The following ABCC4 variants were observed in gnomAD, a reference collection of about 807,000 sequenced individuals.
The protein encoded by ABCC4 is ATP binding cassette subfamily C member 4 (PEL blood group), also known as ATP-binding cassette sub-family C member 4.
ABCC4 carries 102 observed loss-of-function variants against 168.5 expected under a neutral mutation model. The observed-to-expected ratio is 0.61, with a 90% confidence interval of 0.52 to 0.71. ABCC4 has a LOEUF of 0.71. Among genes scored for constraint, ABCC4 ranks in the 30% least tolerant of loss-of-function variants. The pLI is 0.00. For synonymous variants in ABCC4, 617 were observed against 590.7 expected (o/e 1.04, Z -0.65); for missense variants, 1,402 against 1,605.8 (o/e 0.87, Z 2.17).
chr13:95,025,824 A>G (rs1469978734), intron 30 of ABCC4, among the ~76,000 whole-genome samples: 1 of 152,216 alleles, frequency 6.6e-6, no homozygotes, highest in South Asian at 2.1e-4. Context: ...TGTGCATAAC[A>G]GAGATACAAA....
At chr13:95,086,087 TTGTGTGTG>T (rs55973195) in intron 20 of ABCC4, among the ~76,000 whole-genome samples, 12 of 141,988 alleles carry the variant, frequency 8.5e-5, no homozygotes, top group African/African-American at 3.1e-4. Flanking sequence ...TTTAAGGTTA[TTGTGTGTG>T]TGTGTGTGTG....
chr13:95,230,689 C>A (rs1303252627), intron 4 of ABCC4, among the ~76,000 whole-genome samples: 1 of 152,142 alleles, frequency 6.6e-6, no homozygotes, highest in African/African-American at 2.4e-5. Flanking sequence ...GCAGGAGAAT[C>A]ACTTGAACCC....
At chr13:95,262,421 A>G (rs1239462809) in intron 1 of ABCC4, among the ~76,000 whole-genome samples, 1 of 152,234 alleles carries the variant, frequency 6.6e-6, no homozygotes, top group Non-Finnish European at 1.5e-5. Context: ...ATAAATAGAT[A>G]CCTAAATAAA....
At chr13:95,028,863 C>G (rs2031673257) in intron 30 of ABCC4, among the ~76,000 whole-genome samples, 1 of 151,796 alleles carries the variant, frequency 6.6e-6, no homozygotes, top group Non-Finnish European at 1.5e-5. Context: ...TACTAGGTAG[C>G]CATTAAAAAA....
chr13:95,159,093 T>TTATATTTATATATA lies in ABCC4; in HGVS notation c.2455+2095_2455+2096insTATATATAAATATA, dbSNP rs1257474310. ...ATGAGACCTTATTTCTAAATAAATT[T>TTATATTTATATATA]TATATATATATATATATATATATAT... On this transcript the variant is annotated intron_variant, in intron 19 of 30. Transcript: ENST00000645237. Among the ~76,000 whole-genome samples the TTATATTTATATATA allele has an allele frequency of 3.3e-5, 2 of 61,014 alleles. 1 individual carries two copies. The highest frequency in any genetic ancestry group is 7.0e-5 in the Non-Finnish European group (2 of 28,524). The allele number at this position is 61,014 out of a possible 152,430, so 40.0% of individuals were successfully genotyped here. A position where few individuals can be genotyped will look rare whatever the true frequency, so the allele number is the denominator to read the frequency against.
At chr13:95,030,362 G>A (rs1282144650) in intron 30 of ABCC4, among the ~76,000 whole-genome samples, 3 of 151,986 alleles carry the variant, frequency 2.0e-5, no homozygotes, top group Non-Finnish European at 4.4e-5. Flanking sequence ...AATTTCATGA[G>A]TGCATAAAAT....
chr13:95,148,535 T>C (rs2036568984), intron 19 of ABCC4, among the ~76,000 whole-genome samples: 1 of 151,570 alleles, frequency 6.6e-6, no homozygotes, highest in South Asian at 2.1e-4. Flanking sequence ...ATAATTCTTA[T>C]TGTGGTGGGA....
chr13:95,280,849 A>G (rs1470814382), intron 1 of ABCC4, among the ~76,000 whole-genome samples: 6 of 152,136 alleles, frequency 3.9e-5, no homozygotes, highest in Admixed American at 3.9e-4. Flanking sequence ...CACTCGAGAG[A>G]GACAGCAACA....
intron 29 of ABCC4, among the ~76,000 whole-genome samples, chr13:95,037,992 C>A (rs1270127660): frequency 2.0e-5 from 3 of 152,048 alleles, no homozygotes; most frequent in Non-Finnish European, 4.4e-5. Context: ...GTAGCTGGGA[C>A]TACAGGTGCA....
At chr13:95,129,401 C>A (rs901511986) in intron 19 of ABCC4, among the ~76,000 whole-genome samples, 2 of 152,096 alleles carry the variant, frequency 1.3e-5, no homozygotes, top group South Asian at 4.2e-4. Flanking sequence ...AGGAAGTTAT[C>A]CATTTGTTGG....
intron 19 of ABCC4, among the ~76,000 whole-genome samples, chr13:95,127,022 A>G (rs1023439849): frequency 6.6e-6 from 1 of 151,798 alleles, no homozygotes; most frequent in Non-Finnish European, 1.5e-5. Flanking sequence ...GCTGTCAGTT[A>G]TAAACAGTTT....
chr13:95,159,093 T>TTATATATATA (rs554884258), intron 19 of ABCC4, among the ~76,000 whole-genome samples: 2,120 of 60,826 alleles, frequency 0.035, 200 homozygotes, highest in Non-Finnish European at 0.052. Context: ...TAAATAAATT[T>TTATATATATA]TATATATATA....
At chr13:95,211,940 G>C (rs1482419065) in intron 4 of ABCC4, among the ~76,000 whole-genome samples, 1 of 152,150 alleles carries the variant, frequency 6.6e-6, no homozygotes, top group Non-Finnish European at 1.5e-5. Flanking sequence ...AGCACTTAGT[G>C]GGGCTGAAGG....
At chr13:95,100,134 T>G (rs1390246062) in intron 20 of ABCC4, among the ~76,000 whole-genome samples, 2 of 152,222 alleles carry the variant, frequency 1.3e-5, no homozygotes, top group East Asian at 3.8e-4. Context: ...TTACTAAGGA[T>G]GCAAAATGAC....
At chr13:95,023,393 G>C (rs1429310283) in intron 30 of ABCC4, among the ~76,000 whole-genome samples, 2 of 152,106 alleles carry the variant, frequency 1.3e-5, no homozygotes, top group African/African-American at 2.4e-5. Context: ...TAACAGCACA[G>C]GTGAGATGAA....
intron 30 of ABCC4, 95 bp downstream of exon 30, chr13:95,034,510 G>C: frequency 6.8e-7 from 1 of 1,466,262 alleles, no homozygotes; most frequent in South Asian, 1.4e-5. Context: ...AATTGAAAAG[G>C]GTACACAGTG....
chr13:95,211,545 A>G (rs1473886591), intron 4 of ABCC4, among the ~76,000 whole-genome samples: 1 of 151,918 alleles, frequency 6.6e-6, no homozygotes, highest in Non-Finnish European at 1.5e-5. Context: ...AATAAAGAAC[A>G]CCCCAAACCT....
rs559724082 is a variant in ABCC4, at chr13:95,053,303, C to A, written c.3367-119G>T. 6 of 790,398 alleles carry A rather than the reference C, an allele frequency of 7.6e-6. No individual in the cohort carries two copies. The East Asian group carries it at 1.6e-4, about 21-fold the overall frequency. The allele number at this position is 790,398 out of a possible 1,614,324, so 49.0% of individuals were successfully genotyped here. On this transcript the variant is annotated intron_variant, in intron 26 of 30. Transcript: ENST00000645237. Reference sequence around the variant, plus strand: ...ATAAAATTCATGATAATAATTATAGCGTTACAAATGCCTGTTTACAAAACA... The same window carrying A: ...ATAAAATTCATGATAATAATTATAGAGTTACAAATGCCTGTTTACAAAACA...
intron 25 of ABCC4, among the ~76,000 whole-genome samples, chr13:95,064,271 T>C (rs1159124374): frequency 7.0e-4 from 7 of 10,036 alleles, no homozygotes; most frequent in Non-Finnish European, 1.4e-3. Flanking sequence ...TATATATATA[T>C]ATATATATAT....
Sources: allele counts gnomAD v4.1 joint callset (sites outside exome capture counted in the v4.1 genomes callset), GRCh38; gene constraint gnomAD v4.1.1; transcripts MANE v1.5; gene names NCBI Gene and HGNC (gene_info 2026-07-23, HGNC 2026-07-21).